LRBA: variants seen among roughly 807,000 people sequenced by gnomAD.
LRBA encodes lipopolysaccharide-responsive and beige-like anchor protein.
A neutral mutation model predicts 330.0 loss-of-function variants in LRBA; 176 were observed. The ratio of observed to expected loss-of-function variants is 0.53; its 90% confidence interval spans 0.47 to 0.60. The LOEUF is 0.60. Among genes scored for constraint, LRBA ranks in the 20% least tolerant of loss-of-function variants. The probability of loss-of-function intolerance (pLI) is 0.00; values close to 1 mark genes in which losing one functional copy is unlikely to be tolerated. For missense variants in LRBA, 3,259 were observed against 3,444.8 expected, an observed-to-expected ratio of 0.95 and a Z score of 1.35; for synonymous variants, 1,230 against 1,193.0, an observed-to-expected ratio of 1.03 and a Z score of -0.64.
At chr4:150,343,739 C>T (rs1735900231) in intron 48 of LRBA, among the ~76,000 whole-genome samples, 1 of 152,172 alleles carries the variant, frequency 6.6e-6, no homozygotes, top group African/African-American at 2.4e-5. Context: ...GGCGTGCACA[C>T]ACACACATCC....
In LRBA at chr4:150,817,165, A is replaced by C; in HGVS notation, c.5264T>G (p.Val1755Gly). 4 of 1,612,108 alleles carry C rather than the reference A, an allele frequency of 2.5e-6. No individual in the cohort carries two copies. Among genetic ancestry groups the C allele is most frequent in the Non-Finnish European group, 3.4e-6 (4 of 1,178,574 alleles). ...PTNAVSVVSSVDSAQASDMGG... is the reference protein window; with the variant it reads ...PTNAVSVVSSGDSAQASDMGG... ...CATATCTGAGGCTTGGGCTGAATCT[A>C]CTGAGGAAACCACACTGACAGCATT... The change falls in exon 31 of 57, where the codon GTA becomes GGA. Residue 1755 changes from valine to glycine, a missense_variant. By Grantham distance (109) the Val-to-Gly change is moderately radical. Coordinates refer to ENST00000651943, the MANE Select transcript of LRBA (RefSeq NM_001364905.1).
At chr4:150,459,994 G>T (rs1202121401) in intron 44 of LRBA, among the ~76,000 whole-genome samples, 1 of 151,680 alleles carries the variant, frequency 6.6e-6, no homozygotes, top group Non-Finnish European at 1.5e-5. Flanking sequence ...CCAATAAATA[G>T]AAAAATGAAG....
intron 37 of LRBA, among the ~76,000 whole-genome samples, chr4:150,631,264 G>C (rs1387234898): frequency 6.6e-6 from 1 of 151,572 alleles, no homozygotes; most frequent in Non-Finnish European, 1.5e-5. Context: ...ACTTAGTAAA[G>C]GGATCTCTAA....
At chr4:150,617,754 T>C (rs527471345) in intron 37 of LRBA, among the ~76,000 whole-genome samples, 1 of 152,320 alleles carries the variant, frequency 6.6e-6, no homozygotes, top group South Asian at 2.1e-4. Flanking sequence ...CAATTTTCTT[T>C]TACCAGTTCA....
At chr4:150,805,198 A>AGAAG (rs869164222) in intron 33 of LRBA, among the ~76,000 whole-genome samples, 5 of 110,822 alleles carry the variant, frequency 4.5e-5, no homozygotes, top group African/African-American at 2.0e-4. Flanking sequence ...GAAGGAAGGC[A>AGAAG]GAAGGAAGGA....
intron 35 of LRBA, among the ~76,000 whole-genome samples, chr4:150,751,298 T>G (rs915093435): frequency 2.6e-5 from 4 of 152,080 alleles, no homozygotes; most frequent in Non-Finnish European, 4.4e-5. Context: ...TTACAAAATG[T>G]TTTAAAATCA....
At chr4:150,810,385 C>A (rs1234691606) in intron 31 of LRBA, among the ~76,000 whole-genome samples, 1 of 151,960 alleles carries the variant, frequency 6.6e-6, no homozygotes, top group African/African-American at 2.4e-5. Context: ...TTCTTTTCCA[C>A]AACATATTTC....
intron 40 of LRBA, 129 bp from the exon 41 acceptor site, chr4:150,491,164 C>A (rs556250916): frequency 2.3e-6 from 1 of 427,644 alleles, no homozygotes; most frequent in East Asian, 3.4e-5. Context: ...TTAATAGTTA[C>A]AGACATAATT....
In LRBA at chr4:150,834,005, C is replaced by T. The variant is rs548830821; in HGVS notation, c.4570-2029G>A. On this transcript the variant is annotated intron_variant, in intron 28 of 56. Coordinates refer to ENST00000651943, the MANE Select transcript of LRBA (RefSeq NM_001364905.1). ...AATTTCTTTGATTATCCATAGGAAG[C>T]AACTCTTCATTCGTTGGAGTATTAT... Among the ~76,000 whole-genome samples the T allele has an allele frequency of 8.5e-5, 13 of 152,268 alleles. No homozygotes were observed. The South Asian group carries it at 2.7e-3, about 32-fold the overall frequency.
intron 30 of LRBA, among the ~76,000 whole-genome samples, chr4:150,819,322 T>A (rs1449237633): frequency 6.6e-6 from 1 of 151,666 alleles, no homozygotes; most frequent in African/African-American, 2.4e-5. Context: ...AATGATATCA[T>A]GATGGGGACT....
intron 37 of LRBA, among the ~76,000 whole-genome samples, chr4:150,625,687 T>TTA (rs374872258): frequency 0.063 from 9,109 of 144,808 alleles, 634 homozygotes; most frequent in African/African-American, 0.17. Context: ...GGTACCGAGA[T>TTA]TATATATATA....
chr4:150,552,244 G>T (rs1465372781), intron 40 of LRBA, among the ~76,000 whole-genome samples: 1 of 152,042 alleles, frequency 6.6e-6, no homozygotes, highest in Admixed American at 6.6e-5. Flanking sequence ...TACAGTTTAT[G>T]CCAAGATCCA....
At chr4:150,824,158 T>C (rs1745886756) in intron 30 of LRBA, among the ~76,000 whole-genome samples, 1 of 152,212 alleles carries the variant, frequency 6.6e-6, no homozygotes, top group African/African-American at 2.4e-5. Context: ...TGGCTGTTTA[T>C]TCCTAGGTAT....
chr4:150,870,862 G>A (rs963879477), intron 19 of LRBA, among the ~76,000 whole-genome samples: 3 of 152,090 alleles, frequency 2.0e-5, no homozygotes, highest in Admixed American at 6.6e-5. Flanking sequence ...CAGAAATAAC[G>A]ATACTGTTTA....
At chr4:150,394,942 T>C (rs956575786) in intron 47 of LRBA, among the ~76,000 whole-genome samples, 2 of 152,050 alleles carry the variant, frequency 1.3e-5, no homozygotes, top group Non-Finnish European at 2.9e-5. Flanking sequence ...CATAACACAA[T>C]TGTACTGCCC....
chr4:150,271,691 G>A (rs1197216016), intron 56 of LRBA, among the ~76,000 whole-genome samples: 2 of 152,290 alleles, frequency 1.3e-5, no homozygotes, highest in East Asian at 3.9e-4. Context: ...GTCCGCCATT[G>A]GTGAGGCTTG....
rs902132082 is a variant in LRBA at position 150,993,473 on chromosome 4, G to A, written c.216+20954C>T. Among the ~76,000 whole-genome samples, 3 of 152,200 alleles carry A rather than the reference G, an allele frequency of 2.0e-5. No individual in the cohort carries two copies. The South Asian group carries it at 6.2e-4, about 31-fold the overall frequency. ...TAACCCCAGCACGTTGGGAGGCCAA[G>A]GCAGGTGGATCACCTGAGGTCAGGA... On this transcript the variant is annotated intron_variant, in intron 2 of 56. Coordinates refer to ENST00000651943, the MANE Select transcript of LRBA (RefSeq NM_001364905.1).
chr4:150,577,665 T>TA (rs1770719368), intron 40 of LRBA, among the ~76,000 whole-genome samples: 1 of 152,150 alleles, frequency 6.6e-6, no homozygotes, highest in Non-Finnish European at 1.5e-5. Flanking sequence ...TCATGTATTC[T>TA]AAAATTTGTT....
chr4:150,786,734 A>T (rs955509305), intron 34 of LRBA, among the ~76,000 whole-genome samples: 6 of 152,146 alleles, frequency 3.9e-5, no homozygotes, highest in African/African-American at 1.4e-4. Flanking sequence ...CTAGTCTCCA[A>T]ATTTTTAGGG....
Sources: allele counts gnomAD v4.1 joint callset (sites outside exome capture counted in the v4.1 genomes callset), GRCh38; gene constraint gnomAD v4.1.1; transcripts MANE v1.5; gene names NCBI Gene and HGNC (gene_info 2026-07-23, HGNC 2026-07-21).